LETM1: variants seen among roughly 807,000 people sequenced by gnomAD.
LETM1 encodes the protein mitochondrial proton/calcium exchanger protein.
In LETM1, 50 loss-of-function variants were observed where a neutral mutation model predicts 74.5. That is an observed-to-expected ratio of 0.67 (90% CI 0.53 to 0.85). The LOEUF (loss-of-function observed/expected upper bound fraction) is 0.85. LETM1 is among the 40% of genes least tolerant of loss of function. The probability of loss-of-function intolerance (pLI) is 0.00; values close to 1 mark genes in which losing one functional copy is unlikely to be tolerated. For missense variants in LETM1, 824 were observed against 967.8 expected, an observed-to-expected ratio of 0.85 and a Z score of 1.97; for synonymous variants, 446 against 407.1, an observed-to-expected ratio of 1.10 and a Z score of -1.15.
chr4:1,822,285 C>T lies in LETM1; in HGVS notation c.1504G>A (p.Ala502Thr). 6.5e-7 allele frequency: 1 copy of T among 1,533,604 alleles called. No individual in the cohort carries two copies. Among genetic ancestry groups the T allele is most frequent in the Non-Finnish European group, 8.8e-7 (1 of 1,132,734 alleles). 95.0% of individuals were successfully genotyped at this position (1,533,604 alleles called of 1,614,324 possible). A position where few individuals can be genotyped will look rare whatever the true frequency, so the allele number is the denominator to read the frequency against. ...TCGGTCCCCGGCCTTTGGGGAGCAG[C>T]TACCACACGTTCGGGCTCAAAATCC... Reference protein sequence around the residue: ...AKDFEPERVVAAPQRPGTEPQ... With the variant: ...AKDFEPERVVTAPQRPGTEPQ... Residue 502 changes from alanine (A) to threonine (T), a missense_variant, in exon 10 of 14, where the codon GCT (alanine) becomes ACT (threonine). Coordinates refer to ENST00000302787, the MANE Select transcript of LETM1 (RefSeq NM_012318.3).
chr4:1,817,057 C>T lies in LETM1; in HGVS notation c.1744-143G>A, dbSNP rs943757328. On this transcript the variant is annotated intron_variant, in intron 11 of 13. Transcript: ENST00000302787. ...GGTTAGGAGTTCGAGACCAGCCTGG[C>T]CAATGTGGTGAAACCCCGCCTCTAC... 5 of 624,590 alleles carry T rather than the reference C, an allele frequency of 8.0e-6. No individual in the cohort carries two copies. In the Admixed American group the frequency reaches 1.2e-4, roughly 15 times the overall value. 38.7% of individuals were successfully genotyped at this position (624,590 alleles called of 1,614,324 possible).
intron 10 of LETM1, 145 bp downstream of exon 10, chr4:1,822,036 C>G (rs1381030380): frequency 4.8e-6 from 4 of 828,588 alleles, no homozygotes; most frequent in Non-Finnish European, 6.7e-6. Flanking sequence ...GCCCAGTGGC[C>G]TCATCCTCAA....
At chr4:1,841,221 T>TCG in intron 3 of LETM1, 126 bp downstream of exon 3, 9 of 803,770 alleles carry the variant, frequency 1.1e-5, no homozygotes, top group Admixed American at 5.5e-5. Flanking sequence ...GGCACATGCC[T>TCG]GTGGTCCCAG....
rs1711687919 is a variant in LETM1, at chr4:1,819,217, C to T, written c.1743+121G>A. 3.8e-6 allele frequency: 4 copies of T among 1,050,750 alleles called. No homozygotes were observed. In the South Asian group the frequency reaches 4.9e-5, roughly 13 times the overall value. 65.1% of individuals were successfully genotyped at this position (1,050,750 alleles called of 1,614,324 possible). ...GTTTATTTATAACGTGCTTTCCTCT[C>T]CAAATACTCTTTGGCCAGCTTATCA... On this transcript the variant is annotated intron_variant, in intron 11 of 13. Transcript: ENST00000302787.
chr4:1,823,204 T>G, intron 8 of LETM1, 73 bp from the exon 9 acceptor site: 3 of 1,482,486 alleles, frequency 2.0e-6, no homozygotes, highest in Non-Finnish European at 2.7e-6. Flanking sequence ...ACCTCTGTCC[T>G]GTGTCCTGTG....
chr4:1,827,251 T>TTA (rs1034453819), intron 6 of LETM1, among the ~76,000 whole-genome samples: 1 of 151,650 alleles, frequency 6.6e-6, no homozygotes, highest in Admixed American at 6.6e-5. Context: ...TTTTTGCTGG[T>TTA]TATAGATCCT....
At chr4:1,852,543 T>C (rs901684340) in intron 1 of LETM1, among the ~76,000 whole-genome samples, 2 of 152,090 alleles carry the variant, frequency 1.3e-5, no homozygotes, top group Non-Finnish European at 2.9e-5. Flanking sequence ...CACCCTCTAA[T>C]CACAGCATGG....
chr4:1,840,623 G>A (rs1341098087), intron 3 of LETM1, among the ~76,000 whole-genome samples: 3 of 151,882 alleles, frequency 2.0e-5, no homozygotes, highest in African/African-American at 4.8e-5. Flanking sequence ...AGCCGAGATC[G>A]CACCACTGCA....
At chr4:1,842,426 C>G (rs1712733532) in intron 2 of LETM1, among the ~76,000 whole-genome samples, 1 of 152,260 alleles carries the variant, frequency 6.6e-6, no homozygotes, top group South Asian at 2.1e-4. Context: ...AAGCCCAGAG[C>G]CTCACACCTG....
intron 3 of LETM1, among the ~76,000 whole-genome samples, chr4:1,841,007 C>T (rs776050894): frequency 1.3e-5 from 2 of 152,322 alleles, no homozygotes; most frequent in Non-Finnish European, 2.9e-5. Context: ...CTCTACCAAA[C>T]AGAAAGCAAG....
At chr4:1,839,840 T>C (rs1000962145) in intron 3 of LETM1, among the ~76,000 whole-genome samples, 1 of 152,100 alleles carries the variant, frequency 6.6e-6, no homozygotes, top group Admixed American at 6.5e-5. Context: ...TCACCGGGGG[T>C]TGCACCCTGG....
Position 1,849,865 on chromosome 4 carries a change from T to C in LETM1, c.83-656A>G, listed in dbSNP as rs192394318. On this transcript the variant is annotated intron_variant, in intron 1 of 13. Transcript: ENST00000302787. ...TCCCAGCCTGAAACCTTCTTTTAAGTCTGAAAGAAGGCGGGGCGCCGTGGC... is the reference window on the plus strand; with the variant it reads ...TCCCAGCCTGAAACCTTCTTTTAAGCCTGAAAGAAGGCGGGGCGCCGTGGC... Among the ~76,000 whole-genome samples, 577 of 152,216 alleles carry C rather than the reference T, an allele frequency of 3.8e-3. 1 individual carries two copies. The highest frequency in any genetic ancestry group is 0.013 in the African/African-American group (526 of 41,548).
At chr4:1,839,213 T>C (rs1712599752) in intron 3 of LETM1, 1 of 152,058 alleles carries the variant, frequency 6.6e-6, no homozygotes, top group African/African-American at 2.4e-5. Flanking sequence ...GCCTGGGCAC[T>C]GGTGAGCGAG....
At chr4:1,833,054 A>C (rs1712335011) in intron 5 of LETM1, 107 bp from the exon 6 acceptor site, 1 of 927,198 alleles carries the variant, frequency 1.1e-6, no homozygotes, top group Non-Finnish European at 1.7e-6. Flanking sequence ...TCAGGGACTC[A>C]AACCACTGAC....
intron 11 of LETM1, among the ~76,000 whole-genome samples, chr4:1,818,882 GAT>G (rs1711674240): frequency 6.6e-6 from 1 of 151,918 alleles, no homozygotes; most frequent in South Asian, 2.1e-4. Context: ...AGGAGTTCGA[GAT>G]GAGCCTGGTC....
chr4:1,823,923 C>T (rs1211965550), intron 7 of LETM1, 148 bp from the exon 8 acceptor site: 2 of 928,668 alleles, frequency 2.2e-6, no homozygotes, highest in Non-Finnish European at 3.1e-6. Flanking sequence ...GCTGCGTGAC[C>T]CGATGACGGC....
intron 6 of LETM1, among the ~76,000 whole-genome samples, chr4:1,829,224 C>A (rs1712164535): frequency 6.9e-6 from 1 of 144,622 alleles, no homozygotes; most frequent in Admixed American, 6.7e-5. Context: ...GGGGGGCCGA[C>A]CCCCCCACCT....
chr4:1,817,820 G>A (rs965625174), intron 11 of LETM1, among the ~76,000 whole-genome samples: 1 of 152,132 alleles, frequency 6.6e-6, no homozygotes, highest in Non-Finnish European at 1.5e-5. Flanking sequence ...CACCCAGACT[G>A]GAGTAAAGTG....
At position 1,823,702 on chromosome 4, in the gene LETM1, T is replaced by C. The variant is rs1560482325; in HGVS notation, c.1274A>G (p.Asp425Gly). 1 of 1,613,894 alleles carries C rather than the reference T, an allele frequency of 6.2e-7. No homozygotes were observed. The highest frequency in any genetic ancestry group is 8.5e-7 in the Non-Finnish European group (1 of 1,179,954). The stretch of plus-strand genomic sequence containing the variant: ...GAGCTGGTCGGCTGGAGAGAGGGTG[T>C]CCGGGAGGTACATGGCCCGGGACAG... The part of the protein sequence containing the change: ...LILSRAMYLP[D>G]TLSPADQLKS... The change falls in exon 8 of 14, where the codon GAC (aspartate) becomes GGC (glycine). Residue 425 changes from aspartate to glycine, a missense_variant. Around this residue, in one of 4 missense-constraint regions of LETM1, gnomAD observed 172 missense variants for 170.7 expected, o/e 1.01. Transcript: ENST00000302787.
Sources: gnomAD v4.1 joint callset for allele counts (sites outside exome capture counted in the v4.1 genomes callset) on GRCh38, gnomAD v4.1.1 for gene constraint, gnomAD v4.1.1 regional missense constraint, MANE v1.5 for transcripts, NCBI Gene and HGNC (gene_info 2026-07-23, HGNC 2026-07-21) for gene names.